Variants in AGAP1 observed in about 807,000 individuals in gnomAD.
AGAP1 encodes ArfGAP with GTPase domain, ankyrin repeat and PH domain 1.
Under a neutral mutation model 105.3 loss-of-function variants are expected in AGAP1, and 29 were observed. That is an observed-to-expected ratio of 0.28 (90% CI 0.21 to 0.38). The LOEUF is 0.38. Ranked by LOEUF, AGAP1 falls within the 10% of genes least tolerant of loss-of-function variation. The pLI, the probability that AGAP1 is intolerant of heterozygous loss-of-function variation, is 1.00. For synonymous variants in AGAP1, 509 were observed against 485.9 expected, an observed-to-expected ratio of 1.05 and a Z score of -0.63; for missense variants, 998 against 1,165.1, an observed-to-expected ratio of 0.86 and a Z score of 2.09.
chr2:235,591,779 A>G (rs13030264), intron 1 of AGAP1, among the ~76,000 whole-genome samples: 52,999 of 151,442 alleles, frequency 0.35, 9,656 homozygotes, highest in Middle Eastern at 0.53. Context: ...TTTTGTTTTT[A>G]ATTTTCCTTT....
intron 9 of AGAP1, among the ~76,000 whole-genome samples, chr2:235,820,609 A>G (rs1958736616): frequency 6.6e-6 from 1 of 152,242 alleles, no homozygotes; most frequent in African/African-American, 2.4e-5. Flanking sequence ...AGTCTCTATC[A>G]GCCACAGCCT....
chr2:235,773,571 C>T (rs566542268), intron 6 of AGAP1, among the ~76,000 whole-genome samples: 1 of 152,136 alleles, frequency 6.6e-6, no homozygotes, highest in Non-Finnish European at 1.5e-5. Context: ...GGTTTTCGTT[C>T]GATTTAGTTC....
At chr2:236,098,226 C>CT (rs981406129) in intron 16 of AGAP1, among the ~76,000 whole-genome samples, 16 of 152,152 alleles carry the variant, frequency 1.1e-4, no homozygotes, top group African/African-American at 3.4e-4. Context: ...GGACTATACA[C>CT]TAATTCCACG....
intron 1 of AGAP1, among the ~76,000 whole-genome samples, chr2:235,506,218 A>G (rs1377795614): frequency 2.6e-5 from 4 of 152,112 alleles, no homozygotes; most frequent in Non-Finnish European, 4.4e-5. Context: ...GGCATGAGCC[A>G]CTGTGCCCGG....
chr2:235,600,200 G>A lies in AGAP1; in HGVS notation c.163+105351G>A, dbSNP rs974734700. ...GAAATATTCTGTAGCTCATCTGGCA[G>A]CAGGGCCAGAGCTGATGATCTAATT... On this transcript the variant is annotated intron_variant, in intron 1 of 17. Coordinates refer to ENST00000304032, the MANE Select transcript of AGAP1 (RefSeq NM_001037131.3). This position sits in a 1 kb window ranked among gnomAD's most constrained non-coding sequence, Gnocchi z 4.8. 1.3e-5 allele frequency among the ~76,000 whole-genome samples: 2 copies of A among 152,228 alleles called. No individual in the cohort carries two copies. Among genetic ancestry groups the A allele is most frequent in the African/African-American group, 4.8e-5 (2 of 41,454 alleles).
At position 235,993,104 on chromosome 2, in the gene AGAP1, G is replaced by A. The variant is rs981473806; in HGVS notation, c.1645+24481G>A. Among the ~76,000 whole-genome samples, 2 of 152,180 alleles carry A rather than the reference G, an allele frequency of 1.3e-5. No homozygotes were observed. The highest frequency in any genetic ancestry group is 4.8e-5 in the African/African-American group (2 of 41,426). ...TTAGCAGAGATTCTAGCTAATACATGGAGTTGTGCTTCCTAAGTATTGATA... is the reference window on the plus strand; with the variant it reads ...TTAGCAGAGATTCTAGCTAATACATAGAGTTGTGCTTCCTAAGTATTGATA... On this transcript the variant is annotated intron_variant, in intron 13 of 17. Coordinates refer to ENST00000304032, the MANE Select transcript of AGAP1 (RefSeq NM_001037131.3). The surrounding 1 kb of genome is among the most constrained non-coding windows in gnomAD (Gnocchi z 5.0).
In AGAP1 at chr2:235,741,001, A is replaced by C. The variant is rs1203398910; in HGVS notation, c.349A>C (p.Ser117Arg). ...GAAAGAGATTGTCGTTGATGGACAGAGCTATCTGCTGCTGATCAGAGATGA... is the reference window on the plus strand; with the variant it reads ...GAAAGAGATTGTCGTTGATGGACAGCGCTATCTGCTGCTGATCAGAGATGA... ...FKKEIVVDGQ[S>R]YLLLIRDEGG... Residue 117 changes from serine to arginine, a missense_variant, in exon 4 of 18, where the codon AGC becomes CGC. Around this residue, in one of 3 missense-constraint regions of AGAP1, gnomAD observed 735 missense variants for 833.4 expected, o/e 0.88. Transcript: ENST00000304032. This position sits in a 1 kb window ranked among gnomAD's most constrained non-coding sequence, Gnocchi z 4.9. The C allele has an allele frequency of 1.2e-6, 2 of 1,614,194 alleles. No individual in the cohort carries two copies. Among genetic ancestry groups the C allele is most frequent in the Non-Finnish European group, 1.7e-6 (2 of 1,180,026 alleles).
intron 9 of AGAP1, among the ~76,000 whole-genome samples, chr2:235,870,220 G>A (rs981579591): frequency 1.3e-5 from 2 of 152,192 alleles, no homozygotes; most frequent in African/African-American, 2.4e-5. Context: ...TCTACACCAG[G>A]TACACGTGGA....
At chr2:235,605,753 T>C (rs908954743) in intron 1 of AGAP1, among the ~76,000 whole-genome samples, 1 of 152,236 alleles carries the variant, frequency 6.6e-6, no homozygotes, top group Non-Finnish European at 1.5e-5. Flanking sequence ...ATTTTTGTTG[T>C]CTAACATTTG....
At chr2:235,873,962 C>G (rs2049578582) in intron 9 of AGAP1, among the ~76,000 whole-genome samples, 1 of 152,190 alleles carries the variant, frequency 6.6e-6, no homozygotes, top group Admixed American at 6.5e-5. Context: ...CTCCTGGACT[C>G]ACACAGTCCC....
chr2:236,122,330 A>T (rs2059919410), intron 17 of AGAP1, among the ~76,000 whole-genome samples: 1 of 152,094 alleles, frequency 6.6e-6, no homozygotes, highest in East Asian at 1.9e-4. Flanking sequence ...TCTGTCTCCA[A>T]ATACAGTCAC....
At position 235,551,204 on chromosome 2, in the gene AGAP1, G is replaced by A. The variant is rs568655248; in HGVS notation, c.163+56355G>A. On this transcript the variant is annotated intron_variant, in intron 1 of 17. Coordinates refer to ENST00000304032, the MANE Select transcript of AGAP1 (RefSeq NM_001037131.3). This position sits in a 1 kb window ranked among gnomAD's most constrained non-coding sequence, Gnocchi z 4.8. Reference sequence around the variant, plus strand: ...GATGTCATCTGAGGTGGGGCCACCCGGGAAAGGTCTTCATGTCTCACTTGT... The same window carrying A: ...GATGTCATCTGAGGTGGGGCCACCCAGGAAAGGTCTTCATGTCTCACTTGT... Among the ~76,000 whole-genome samples, 4 of 152,180 alleles carry A rather than the reference G, an allele frequency of 2.6e-5. No individual in the cohort carries two copies. Among genetic ancestry groups the A allele is most frequent in the South Asian group, 4.2e-4 (2 of 4,816 alleles).
In AGAP1 at chr2:236,083,026, A is replaced by C. The variant is rs2125840936; in HGVS notation, c.2114+33745A>C. On this transcript the variant is annotated intron_variant, in intron 16 of 17. Coordinates refer to ENST00000304032, the MANE Select transcript of AGAP1 (RefSeq NM_001037131.3). The surrounding 1 kb of genome is among the most constrained non-coding windows in gnomAD (Gnocchi z 5.3). ...CAAAATTAGGCAGGCGTGGTGGTGC[A>C]CGCCTGTAATCCCAGCTACTTAGGA... Among the ~76,000 whole-genome samples, 1 of 150,192 alleles carries C rather than the reference A, an allele frequency of 6.7e-6. No individual in the cohort carries two copies. Among genetic ancestry groups the C allele is most frequent in the Admixed American group, 6.6e-5 (1 of 15,108 alleles).
rs535626767 is a variant in AGAP1 at position 235,693,873 on chromosome 2, T to C, written c.164-15306T>C. On this transcript the variant is annotated intron_variant, in intron 1 of 17. Coordinates refer to ENST00000304032, the MANE Select transcript of AGAP1 (RefSeq NM_001037131.3). ...CTGTGAGTTGATCCTCAGCCCTTAC[T>C]TGGGGGTTAATGACGTTCCCATTTG... Among the ~76,000 whole-genome samples the C allele has an allele frequency of 1.7e-4, 26 of 152,322 alleles. 2 individuals are homozygous for C. The South Asian group carries it at 2.5e-3, about 15-fold the overall frequency.
chr2:235,548,187 C>T (rs1422620916), intron 1 of AGAP1, among the ~76,000 whole-genome samples: 2 of 152,216 alleles, frequency 1.3e-5, no homozygotes, highest in Non-Finnish European at 1.5e-5. Context: ...GACTGCGTCT[C>T]GTCTCCCTTG....
At position 235,709,218 on chromosome 2, in the gene AGAP1, C is replaced by T. The variant is rs765880203; in HGVS notation, c.203C>T (p.Ser68Phe). The change falls in exon 2 of 18, where the codon TCT (serine) becomes TTT (phenylalanine). Residue 68 changes from serine to phenylalanine, a missense_variant. Physicochemically the swap from Ser to Phe is radical, Grantham distance 155. Transcript: ENST00000304032. ...VNSQEWTLSRSVPELKVGIVG... is the reference protein window; with the variant it reads ...VNSQEWTLSRFVPELKVGIVG... Reference sequence around the variant, plus strand: ...AGCCAGGAATGGACGCTGAGTCGATCTGTCCCGGAGCTCAAAGTGGTGAGT... The same window carrying T: ...AGCCAGGAATGGACGCTGAGTCGATTTGTCCCGGAGCTCAAAGTGGTGAGT... 108 of 1,614,030 alleles carry T rather than the reference C, an allele frequency of 6.7e-5. No individual in the cohort carries two copies. Among genetic ancestry groups the T allele is most frequent in the Non-Finnish European group, 9.0e-5 (106 of 1,180,036 alleles).
chr2:235,915,338 A>C (rs1417696578), intron 11 of AGAP1, among the ~76,000 whole-genome samples: 1 of 152,216 alleles, frequency 6.6e-6, no homozygotes, highest in Non-Finnish European at 1.5e-5. Flanking sequence ...GAAGGATTTA[A>C]TACGTTAGTT....
At chr2:235,823,294 T>G (rs1476672058) in intron 9 of AGAP1, among the ~76,000 whole-genome samples, 1 of 152,136 alleles carries the variant, frequency 6.6e-6, no homozygotes, top group East Asian at 1.9e-4. Context: ...ATCTTCCCAT[T>G]GTTGCCCAAA....
intron 11 of AGAP1, among the ~76,000 whole-genome samples, chr2:235,910,914 CAA>C (rs568071560): frequency 1.4e-5 from 2 of 141,606 alleles, no homozygotes. Flanking sequence ...GACTCCGTCT[CAA>C]AAAAAAAAAA....
Sources: gnomAD v4.1 joint callset for allele counts (sites outside exome capture counted in the v4.1 genomes callset) on GRCh38, gnomAD v4.1.1 for gene constraint, gnomAD v4.1.1 regional missense constraint, Gnocchi (gnomAD v3.1) non-coding constraint, MANE v1.5 for transcripts, NCBI Gene and HGNC (gene_info 2026-07-23, HGNC 2026-07-21) for gene names.